The following UNC5C variants were observed in gnomAD, a reference collection of about 807,000 sequenced individuals.
UNC5C encodes unc-5 netrin receptor C, also known as netrin receptor UNC5C.
Under a neutral mutation model 99.8 loss-of-function variants are expected in UNC5C, and 47 were observed. The ratio of observed to expected loss-of-function variants is 0.47; its 90% confidence interval spans 0.37 to 0.60. UNC5C has a LOEUF of 0.60. Among genes scored for constraint, UNC5C ranks in the 20% least tolerant of loss-of-function variants. The pLI is 0.00. For synonymous variants in UNC5C, 487 were observed against 452.2 expected (o/e 1.08, Z -0.98); for missense variants, 1,062 against 1,165.9 (o/e 0.91, Z 1.30).
intron 1 of UNC5C, among the ~76,000 whole-genome samples, chr4:95,503,391 CA>C (rs1192273539): frequency 6.6e-6 from 1 of 152,086 alleles, no homozygotes; most frequent in Non-Finnish European, 1.5e-5. Flanking sequence ...TATAGCAACA[CA>C]AAATGAACTA....
At chr4:95,397,618 T>C (rs1411315500) in intron 1 of UNC5C, among the ~76,000 whole-genome samples, 1 of 152,202 alleles carries the variant, frequency 6.6e-6, no homozygotes, top group Non-Finnish European at 1.5e-5. Context: ...AATAGAAACT[T>C]ACATAACTCT....
intron 1 of UNC5C, among the ~76,000 whole-genome samples, chr4:95,480,240 G>A (rs1410701880): frequency 6.7e-6 from 1 of 148,488 alleles, no homozygotes; most frequent in East Asian, 2.0e-4. Flanking sequence ...CATTCATAAT[G>A]TATATAATGC....
rs375739089 is a variant in UNC5C, at chr4:95,390,157, A to G, written c.125-54526T>C. Reference sequence around the variant, plus strand: ...CTCAGTAAGTGCTAAATCACCTGAAATAAAAGGGAAAACTGGGAGACATGG... The same window carrying G: ...CTCAGTAAGTGCTAAATCACCTGAAGTAAAAGGGAAAACTGGGAGACATGG... On this transcript the variant is annotated intron_variant, in intron 1 of 15. Transcript: ENST00000453304. 2.4e-4 allele frequency among the ~76,000 whole-genome samples: 36 copies of G among 152,288 alleles called. No homozygotes were observed. The South Asian group carries it at 5.8e-3, about 25-fold the overall frequency.
intron 2 of UNC5C, among the ~76,000 whole-genome samples, chr4:95,303,791 G>GTGTGTA (rs1560777772): frequency 6.6e-6 from 1 of 152,132 alleles, no homozygotes; most frequent in East Asian, 1.9e-4. Context: ...AAATAGATAT[G>GTGTGTA]TGTGTATGTG....
Position 95,163,779 on chromosome 4 carries a change from A to G in UNC5C, c.*5455T>C, listed in dbSNP as rs375460331. The stretch of plus-strand genomic sequence containing the variant: ...CTACTCAGAAGCTAGTTGGGCCACA[A>G]CTGTCACGACATTCTGCAGAGATTC... On this transcript the variant is annotated 3_prime_UTR_variant, in exon 16 of 16. Coordinates refer to ENST00000453304, the MANE Select transcript of UNC5C (RefSeq NM_003728.4). 11 of 152,280 alleles carry G rather than the reference A, an allele frequency of 7.2e-5. No homozygotes were observed. Among genetic ancestry groups the G allele is most frequent in the South Asian group, 6.2e-4 (3 of 4,826 alleles). The allele number at this position is 152,280 out of a possible 1,614,324, so 9.4% of individuals were successfully genotyped here. A position where few individuals can be genotyped will look rare whatever the true frequency, so the allele number is the denominator to read the frequency against.
chr4:95,493,425 G>A (rs913615678), intron 1 of UNC5C, among the ~76,000 whole-genome samples: 6 of 151,450 alleles, frequency 4.0e-5, no homozygotes, highest in East Asian at 3.9e-4. Context: ...ACTGAATTGC[G>A]AACCGAAGTT....
chr4:95,321,961 GT>G (rs1742708856), intron 2 of UNC5C, among the ~76,000 whole-genome samples: 1 of 152,134 alleles, frequency 6.6e-6, no homozygotes, highest in Admixed American at 6.6e-5. Flanking sequence ...ATTGAAATAA[GT>G]ACCTCTGAGA....
intron 1 of UNC5C, among the ~76,000 whole-genome samples, chr4:95,503,135 G>A (rs956512733): frequency 1.3e-5 from 2 of 152,072 alleles, no homozygotes; most frequent in Non-Finnish European, 2.9e-5. Flanking sequence ...TTTAAGAGGT[G>A]ATTAGATCAT....
chr4:95,465,203 T>G (rs1023232989), intron 1 of UNC5C, among the ~76,000 whole-genome samples: 1 of 152,082 alleles, frequency 6.6e-6, no homozygotes, highest in African/African-American at 2.4e-5. Flanking sequence ...AGAGGAATGC[T>G]GAGGAAGGGA....
chr4:95,498,676 T>A (rs1264089864), intron 1 of UNC5C, among the ~76,000 whole-genome samples: 1 of 148,478 alleles, frequency 6.7e-6, no homozygotes, highest in Non-Finnish European at 1.5e-5. Context: ...GTTTTATTCC[T>A]TCCAAAAATG....
At chr4:95,315,675 G>A (rs1489891136) in intron 2 of UNC5C, among the ~76,000 whole-genome samples, 1 of 152,146 alleles carries the variant, frequency 6.6e-6, no homozygotes, top group Non-Finnish European at 1.5e-5. Flanking sequence ...TGCAGTTAGA[G>A]CCATGAGGTA....
At chr4:95,393,229 T>C (rs1745412146) in intron 1 of UNC5C, among the ~76,000 whole-genome samples, 1 of 152,222 alleles carries the variant, frequency 6.6e-6, no homozygotes, top group Non-Finnish European at 1.5e-5. Context: ...TTGACTGTAA[T>C]GTCACTTCCT....
intron 1 of UNC5C, among the ~76,000 whole-genome samples, chr4:95,397,232 A>G (rs1357335269): frequency 6.6e-6 from 1 of 152,196 alleles, no homozygotes; most frequent in African/African-American, 2.4e-5. Context: ...ACAAAACAAA[A>G]ATGTTTCTGA....
intron 1 of UNC5C, among the ~76,000 whole-genome samples, chr4:95,542,981 T>C (rs906901099): frequency 4.6e-5 from 7 of 152,062 alleles, no homozygotes; most frequent in Admixed American, 4.6e-4. Flanking sequence ...AGGGAAACAC[T>C]AGTGTTTGAA....
chr4:95,450,696 T>C (rs1342371646), intron 1 of UNC5C, among the ~76,000 whole-genome samples: 1 of 152,248 alleles, frequency 6.6e-6, no homozygotes, highest in Non-Finnish European at 1.5e-5. Flanking sequence ...GTGCATGGCA[T>C]GGAGTAAACT....
At chr4:95,281,854 G>T (rs916770910) in intron 3 of UNC5C, among the ~76,000 whole-genome samples, 1 of 152,176 alleles carries the variant, frequency 6.6e-6, no homozygotes, top group African/African-American at 2.4e-5. Context: ...TGGGGACTGG[G>T]TAATTCTTTG....
intron 1 of UNC5C, among the ~76,000 whole-genome samples, chr4:95,489,863 C>G (rs1192775373): frequency 1.3e-5 from 2 of 151,636 alleles, no homozygotes; most frequent in African/African-American, 4.8e-5. Context: ...ATTAACTATG[C>G]AGATGAGTGT....
chr4:95,369,174 T>A (rs937900959), intron 1 of UNC5C, among the ~76,000 whole-genome samples: 1 of 132,770 alleles, frequency 7.5e-6, no homozygotes, highest in African/African-American at 3.0e-5. Flanking sequence ...TGTATTTTTA[T>A]GTATACTTTC....
At chr4:95,445,848 G>A (rs1747084706) in intron 1 of UNC5C, among the ~76,000 whole-genome samples, 1 of 152,136 alleles carries the variant, frequency 6.6e-6, no homozygotes, top group South Asian at 2.1e-4. Flanking sequence ...GGTGTTCAGT[G>A]CTGGAGCGGA....
Sources: gnomAD v4.1 joint callset for allele counts (sites outside exome capture counted in the v4.1 genomes callset) on GRCh38, gnomAD v4.1.1 for gene constraint, MANE v1.5 for transcripts, NCBI Gene and HGNC (gene_info 2026-07-23, HGNC 2026-07-21) for gene names.